SOBP: variants seen among roughly 807,000 people sequenced by gnomAD.
The protein encoded by SOBP is sine oculis-binding protein homolog.
SOBP carries 4 observed loss-of-function variants against 53.6 expected under a neutral mutation model. The ratio of observed to expected loss-of-function variants is 0.07; its 90% CI spans 0.04 to 0.17. The LOEUF (loss-of-function observed/expected upper bound fraction) is 0.17. Ranked by LOEUF, SOBP falls within the 10% of genes least tolerant of loss-of-function variation. The pLI, the probability that SOBP is intolerant of heterozygous loss-of-function variation, is 1.00. For synonymous variants in SOBP, 584 were observed against 522.6 expected, an observed-to-expected ratio of 1.12 and a Z score of -1.60; for missense variants, 1,088 against 1,204.7, an observed-to-expected ratio of 0.90 and a Z score of 1.43.
intron 6 of SOBP, among the ~76,000 whole-genome samples, chr6:107,639,929 G>C (rs562793277): frequency 2.6e-5 from 4 of 152,254 alleles, no homozygotes; most frequent in Admixed American, 2.6e-4. Flanking sequence ...TCAAAAACCA[G>C]AAAGAAAATA....
At chr6:107,592,454 T>A (rs1785790011) in intron 5 of SOBP, among the ~76,000 whole-genome samples, 1 of 152,210 alleles carries the variant, frequency 6.6e-6, no homozygotes, top group Non-Finnish European at 1.5e-5. Flanking sequence ...TGAAACTTAA[T>A]AGATGTCTCA....
chr6:107,640,996 A>C (rs1771287226), intron 6 of SOBP, among the ~76,000 whole-genome samples: 2 of 152,188 alleles, frequency 1.3e-5, no homozygotes, highest in Admixed American at 1.3e-4. Flanking sequence ...CTGAAATTTC[A>C]TGGAAAGTTT....
chr6:107,592,853 A>C (rs1785807518), intron 5 of SOBP, among the ~76,000 whole-genome samples: 1 of 152,202 alleles, frequency 6.6e-6, no homozygotes, highest in South Asian at 2.1e-4. Flanking sequence ...GTAGTTTCCT[A>C]AACTATCTTG....
At chr6:107,598,476 G>A (rs1232457883) in intron 5 of SOBP, among the ~76,000 whole-genome samples, 1 of 152,144 alleles carries the variant, frequency 6.6e-6, no homozygotes, top group African/African-American at 2.4e-5. Context: ...CATGCATATG[G>A]GGGCCAGTTG....
chr6:107,605,925 AG>A (rs1219977637), intron 5 of SOBP, among the ~76,000 whole-genome samples: 22 of 152,154 alleles, frequency 1.4e-4, no homozygotes, highest in Non-Finnish European at 3.1e-4. Context: ...GCTATAGGCT[AG>A]GGGGTGATGA....
In SOBP at chr6:107,533,460, A is replaced by G; in HGVS notation, c.423A>G (p.Glu141=). 6.2e-7 allele frequency: 1 copy of G among 1,614,094 alleles called. No homozygotes were observed. The highest frequency in any genetic ancestry group is 1.1e-5 in the South Asian group (1 of 91,076). Residue 141 remains glutamate, a splice_region_variant and synonymous_variant, in exon 4 of 7, where the codon GAA becomes GAG. Transcript: ENST00000317357. The stretch of plus-strand genomic sequence containing the variant: ...ATTTTTCTTATACTTTTATTATAGA[A>G]GATGATGTGTCAAATGTACAAATAA... ...IPPPFIKPPA[E]DDVSNVQIMC... is the part of the protein sequence containing the mutation.
At chr6:107,527,861 A>G (rs1783709462) in intron 3 of SOBP, among the ~76,000 whole-genome samples, 1 of 152,272 alleles carries the variant, frequency 6.6e-6, no homozygotes, top group East Asian at 1.9e-4. Context: ...TTTTCTGGCA[A>G]TCCTTAGTTA....
At chr6:107,621,477 G>T (rs533908969) in intron 5 of SOBP, among the ~76,000 whole-genome samples, 25 of 152,264 alleles carry the variant, frequency 1.6e-4, no homozygotes, top group African/African-American at 5.8e-4. Flanking sequence ...AACCAGTGTG[G>T]ATATCCAAAG....
chr6:107,581,893 C>G (rs557769676), intron 4 of SOBP, among the ~76,000 whole-genome samples: 1 of 152,070 alleles, frequency 6.6e-6, no homozygotes, highest in East Asian at 1.9e-4. Flanking sequence ...TTCTTAAGTC[C>G]GGTAAAAATG....
intron 4 of SOBP, among the ~76,000 whole-genome samples, chr6:107,536,747 C>T (rs1030563438): frequency 6.6e-6 from 1 of 152,212 alleles, no homozygotes; most frequent in Non-Finnish European, 1.5e-5. Flanking sequence ...CTACTCAACA[C>T]TGCCAGGAGA....
chr6:107,566,036 A>G (rs1784907793), intron 4 of SOBP, among the ~76,000 whole-genome samples: 1 of 152,248 alleles, frequency 6.6e-6, no homozygotes. Context: ...ACTCTCAGAA[A>G]TTAGAAATGA....
chr6:107,532,241 TCACACACACA>T (rs10525191), intron 3 of SOBP, among the ~76,000 whole-genome samples: 7 of 139,646 alleles, frequency 5.0e-5, no homozygotes, highest in African/African-American at 1.3e-4. Context: ...TCTCTCTCTC[TCACACACACA>T]CACACACACA....
At chr6:107,493,630 T>C (rs905326206) in intron 1 of SOBP, among the ~76,000 whole-genome samples, 3 of 152,178 alleles carry the variant, frequency 2.0e-5, no homozygotes, top group Admixed American at 6.5e-5. Context: ...TGATTTTTTT[T>C]CCCCCTTCGG....
At chr6:107,644,631 C>A (rs1375295229) in intron 6 of SOBP, among the ~76,000 whole-genome samples, 2 of 152,090 alleles carry the variant, frequency 1.3e-5, no homozygotes, top group African/African-American at 4.8e-5. Context: ...TTATGGCTGG[C>A]AAAATACAAC....
chr6:107,598,175 T>A (rs1325028815), intron 5 of SOBP, among the ~76,000 whole-genome samples: 1 of 150,422 alleles, frequency 6.6e-6, no homozygotes, highest in Non-Finnish European at 1.5e-5. Context: ...AAGAGAACTT[T>A]AAAAAAAAAA....
intron 3 of SOBP, among the ~76,000 whole-genome samples, chr6:107,519,538 C>T (rs1783420399): frequency 6.6e-6 from 1 of 152,160 alleles, no homozygotes; most frequent in Non-Finnish European, 1.5e-5. Context: ...ACGTCTCTCG[C>T]TTCCTGCTCT....
At chr6:107,608,091 C>T (rs1383736448) in intron 5 of SOBP, among the ~76,000 whole-genome samples, 1 of 152,146 alleles carries the variant, frequency 6.6e-6, no homozygotes, top group Non-Finnish European at 1.5e-5. Context: ...TTGCCTAGGA[C>T]TAGGGTCCTG....
intron 5 of SOBP, among the ~76,000 whole-genome samples, chr6:107,614,989 T>C (rs889041405): frequency 6.6e-6 from 1 of 152,256 alleles, no homozygotes; most frequent in African/African-American, 2.4e-5. Flanking sequence ...TCCTGATAAC[T>C]GTGTACTGCT....
intron 6 of SOBP, among the ~76,000 whole-genome samples, chr6:107,643,051 C>T (rs1386099607): frequency 6.6e-6 from 1 of 152,198 alleles, no homozygotes; most frequent in Non-Finnish European, 1.5e-5. Context: ...TTTGAACCAA[C>T]CTACAATAAC....
Sources: allele counts gnomAD v4.1 joint callset (sites outside exome capture counted in the v4.1 genomes callset), GRCh38; gene constraint gnomAD v4.1.1; transcripts MANE v1.5; gene names NCBI Gene and HGNC (gene_info 2026-07-23, HGNC 2026-07-21).